Variants in PABPC4L observed in about 807,000 individuals in gnomAD.
The protein encoded by PABPC4L is poly(A) binding protein cytoplasmic 4 like.
For missense variants in PABPC4L, 452 were observed against 451.4 expected, an observed-to-expected ratio of 1.00 and a Z score of -0.01; for synonymous variants, 169 against 164.1, an observed-to-expected ratio of 1.03 and a Z score of -0.23.
chr4:134,086,623 A>G, the PABPC4L span, among the ~76,000 whole-genome samples: 1 of 152,014 alleles, frequency 6.6e-6, no homozygotes, highest in Admixed American at 6.6e-5. Flanking sequence ...ATAGTTCCAG[A>G]ATATTTTTGG....
At chr4:134,005,507 A>AT in the PABPC4L span, among the ~76,000 whole-genome samples, 5 of 151,804 alleles carry the variant, frequency 3.3e-5, no homozygotes, top group East Asian at 1.9e-4. Context: ...AGATGCAGAG[A>AT]TTTTTTATAA....
the PABPC4L span, among the ~76,000 whole-genome samples, chr4:134,169,646 A>C: frequency 6.6e-6 from 1 of 152,238 alleles, no homozygotes; most frequent in African/African-American, 2.4e-5. Context: ...ATATGTCAAC[A>C]GCAAACAATC....
At chr4:134,036,289 C>A in the PABPC4L span, among the ~76,000 whole-genome samples, 1 of 151,988 alleles carries the variant, frequency 6.6e-6, no homozygotes, top group Admixed American at 6.6e-5. Flanking sequence ...ACTTACTATA[C>A]CTTATTTTTA....
At chr4:133,989,293 A>C in the PABPC4L span, among the ~76,000 whole-genome samples, 1,478 of 152,196 alleles carry the variant, frequency 9.7e-3, 29 homozygotes, top group African/African-American at 0.034. Context: ...TCAGACTGTA[A>C]ATTTTCCAAG....
chr4:134,188,459 A>G, the PABPC4L span, among the ~76,000 whole-genome samples: 1 of 152,144 alleles, frequency 6.6e-6, no homozygotes, highest in Admixed American at 6.6e-5. Flanking sequence ...CTCTCTGCAG[A>G]ACTTCTAACA....
At chr4:134,066,987 G>T in the PABPC4L span, among the ~76,000 whole-genome samples, 1 of 151,904 alleles carries the variant, frequency 6.6e-6, no homozygotes, top group East Asian at 1.9e-4. Flanking sequence ...CAATAATATT[G>T]CCTTGAATTC....
the PABPC4L span, among the ~76,000 whole-genome samples, chr4:134,157,457 C>G: frequency 6.6e-6 from 1 of 151,638 alleles, no homozygotes; most frequent in African/African-American, 2.4e-5. Context: ...CCACTTGATT[C>G]ACCTTGATTA....
the PABPC4L span, among the ~76,000 whole-genome samples, chr4:134,182,490 T>C: frequency 6.6e-6 from 1 of 151,912 alleles, no homozygotes; most frequent in African/African-American, 2.4e-5. Context: ...CCCAAAACTA[T>C]AAAAACCCTG....
the PABPC4L span, among the ~76,000 whole-genome samples, chr4:134,157,675 A>T: frequency 1.1e-4 from 16 of 151,772 alleles, no homozygotes; most frequent in Non-Finnish European, 1.8e-4. Context: ...GTACTTTTGG[A>T]TATCAAGATT....
chr4:134,112,548 G>T, the PABPC4L span, among the ~76,000 whole-genome samples: 1 of 151,568 alleles, frequency 6.6e-6, no homozygotes, highest in Admixed American at 6.6e-5. Context: ...ATCCATTCGG[G>T]TAATTACTAT....
the PABPC4L span, among the ~76,000 whole-genome samples, chr4:134,185,779 A>G: frequency 6.6e-6 from 1 of 152,298 alleles, no homozygotes; most frequent in East Asian, 1.9e-4. Context: ...TTGTATCTTT[A>G]GAAAACCCCA....
the PABPC4L span, among the ~76,000 whole-genome samples, chr4:134,115,383 G>C: frequency 4.0e-5 from 6 of 151,760 alleles, no homozygotes; most frequent in South Asian, 2.1e-4. Flanking sequence ...GTAGAGAGAG[G>C]GGGAGAATGA....
chr4:134,066,757 T>C, the PABPC4L span, among the ~76,000 whole-genome samples: 2 of 151,922 alleles, frequency 1.3e-5, no homozygotes, highest in African/African-American at 4.9e-5. Flanking sequence ...GAAGAGAGGT[T>C]GAATTTTACT....
the PABPC4L span, among the ~76,000 whole-genome samples, chr4:134,183,943 A>G: frequency 6.6e-6 from 1 of 151,438 alleles, no homozygotes; most frequent in South Asian, 2.1e-4. Context: ...TGTGTGTAGA[A>G]CTTAACAAGT....
chr4:134,181,243 C>T, the PABPC4L span, among the ~76,000 whole-genome samples: 3 of 151,964 alleles, frequency 2.0e-5, no homozygotes, highest in Non-Finnish European at 4.4e-5. Flanking sequence ...TGTACTTCAC[C>T]ACATAAACAG....
the PABPC4L span, among the ~76,000 whole-genome samples, chr4:134,095,273 T>C: frequency 6.6e-6 from 1 of 151,954 alleles, no homozygotes; most frequent in Non-Finnish European, 1.5e-5. Flanking sequence ...TTCTCTGTTA[T>C]CTTTCAAAAA....
At chr4:134,099,111 C>T in the PABPC4L span, among the ~76,000 whole-genome samples, 8 of 151,638 alleles carry the variant, frequency 5.3e-5, no homozygotes, top group South Asian at 1.2e-3. Context: ...ATTCACAATC[C>T]GATTTTACTC....
the PABPC4L span, among the ~76,000 whole-genome samples, chr4:133,969,298 T>A: frequency 6.6e-6 from 1 of 152,194 alleles, no homozygotes; most frequent in African/African-American, 2.4e-5. Flanking sequence ...GAAAATGAAA[T>A]TGTCTAGATA....
At chr4:134,068,726 T>C in the PABPC4L span, among the ~76,000 whole-genome samples, 1 of 151,952 alleles carries the variant, frequency 6.6e-6, no homozygotes, top group Non-Finnish European at 1.5e-5. Flanking sequence ...TTTTTTTTTT[T>C]TTGACAGGGT....
Sources: allele counts gnomAD v4.1 joint callset (sites outside exome capture counted in the v4.1 genomes callset), GRCh38; gene constraint gnomAD v4.1.1; transcripts MANE v1.5; gene names NCBI Gene and HGNC (gene_info 2026-07-23, HGNC 2026-07-21).